The following ARHGAP15 variants were observed in gnomAD, a reference collection of about 807,000 sequenced individuals.
ARHGAP15 encodes Rho GTPase activating protein 15.
A neutral mutation model predicts 63.7 loss-of-function variants in ARHGAP15; 51 were observed. That is an observed-to-expected ratio of 0.80 (90% CI 0.64 to 1.01). The LOEUF (loss-of-function observed/expected upper bound fraction) is 1.01, where lower values mean the gene tolerates loss of function less well. Ranked by LOEUF, ARHGAP15 falls within the 50% of genes least tolerant of loss-of-function variation. The probability of loss-of-function intolerance (pLI) is 0.00; values close to 1 mark genes in which losing one functional copy is unlikely to be tolerated. For missense variants in ARHGAP15, 560 were observed against 564.6 expected (o/e 0.99, Z 0.08); for synonymous variants, 191 against 193.8 (o/e 0.99, Z 0.12).
chr2:143,389,456 A>G (rs935225878), intron 6 of ARHGAP15, among the ~76,000 whole-genome samples: 4 of 152,210 alleles, frequency 2.6e-5, no homozygotes, highest in African/African-American at 9.6e-5. Context: ...ATGTTTCATA[A>G]CAACCAGATA....
At chr2:143,178,043 A>G (rs1691077311) in intron 2 of ARHGAP15, among the ~76,000 whole-genome samples, 2 of 152,234 alleles carry the variant, frequency 1.3e-5, no homozygotes, top group African/African-American at 2.4e-5. Context: ...AAAATTTTTA[A>G]GAATATAATG....
chr2:143,679,114 C>A (rs1242837874), intron 12 of ARHGAP15, among the ~76,000 whole-genome samples: 2 of 145,240 alleles, frequency 1.4e-5, no homozygotes, highest in Non-Finnish European at 3.0e-5. Context: ...AATAGGTCAA[C>A]CTATATGCAC....
intron 12 of ARHGAP15, among the ~76,000 whole-genome samples, chr2:143,674,105 G>A (rs997981627): frequency 3.3e-5 from 5 of 151,916 alleles, no homozygotes; most frequent in African/African-American, 1.2e-4. Context: ...CTTAAAAATT[G>A]AACATGCTCC....
At chr2:143,545,085 A>G (rs762343100) in intron 10 of ARHGAP15, among the ~76,000 whole-genome samples, 1 of 152,192 alleles carries the variant, frequency 6.6e-6, no homozygotes, top group African/African-American at 2.4e-5. Flanking sequence ...TGTGATCTAA[A>G]TAGGACTTTG....
intron 12 of ARHGAP15, among the ~76,000 whole-genome samples, chr2:143,684,056 C>T (rs907893123): frequency 7.1e-6 from 1 of 140,270 alleles, no homozygotes; most frequent in Non-Finnish European, 1.6e-5. Context: ...ATAATCTGTA[C>T]ACTTTTTTGC....
intron 11 of ARHGAP15, among the ~76,000 whole-genome samples, chr2:143,565,045 A>G (rs184517568): frequency 1.3e-5 from 2 of 152,322 alleles, no homozygotes; most frequent in Admixed American, 6.5e-5. Context: ...GATAAACTTT[A>G]TTATCCACAT....
At chr2:143,398,776 A>ATTT (rs11413032) in intron 6 of ARHGAP15, among the ~76,000 whole-genome samples, 12 of 148,934 alleles carry the variant, frequency 8.1e-5, no homozygotes, top group African/African-American at 2.9e-4. Context: ...AAAAATCCTC[A>ATTT]TTTTTTTTTT....
chr2:143,467,627 G>A lies in ARHGAP15; in HGVS notation c.704-19746G>A, dbSNP rs1309491608. On this transcript the variant is annotated intron_variant, in intron 8 of 13. Transcript: ENST00000295095. Reference sequence around the variant, plus strand: ...CATAAGGATTGACTAGAAATTTCCCGAAGAATATCTTTAGATGACAACATA... The same window carrying A: ...CATAAGGATTGACTAGAAATTTCCCAAAGAATATCTTTAGATGACAACATA... Among the ~76,000 whole-genome samples the A allele has an allele frequency of 5.3e-5, 8 of 151,996 alleles. No individual in the cohort carries two copies. In the East Asian group the frequency reaches 7.7e-4, roughly 15 times the overall value.
intron 9 of ARHGAP15, among the ~76,000 whole-genome samples, chr2:143,495,939 T>A (rs1692795362): frequency 6.6e-6 from 1 of 152,238 alleles, no homozygotes; most frequent in African/African-American, 2.4e-5. Context: ...TGAAATACTC[T>A]GACAACTTCC....
intron 13 of ARHGAP15, among the ~76,000 whole-genome samples, chr2:143,761,513 A>G (rs1219793648): frequency 6.6e-6 from 1 of 151,906 alleles, no homozygotes; most frequent in Non-Finnish European, 1.5e-5. Flanking sequence ...GCACAAACTT[A>G]AAAGAAAGTT....
intron 2 of ARHGAP15, among the ~76,000 whole-genome samples, chr2:143,197,240 C>T (rs1574078138): frequency 6.6e-6 from 1 of 151,826 alleles, no homozygotes; most frequent in African/African-American, 2.4e-5. Context: ...AAATTACTGA[C>T]ATATGGATGT....
chr2:143,163,814 T>C lies in ARHGAP15; in HGVS notation c.165+8159T>C, dbSNP rs1031583512. Among the ~76,000 whole-genome samples, 5 of 152,090 alleles carry C rather than the reference T, an allele frequency of 3.3e-5. No individual in the cohort carries two copies. The East Asian group carries it at 9.7e-4, about 29-fold the overall frequency. ...GGCGATATAAGTGGGGGCGGCGGTG[T>C]GTTTATAGCTATAAAATTTGTGTGT... is the stretch of plus-strand genomic sequence containing the variant. On this transcript the variant is annotated intron_variant, in intron 2 of 13. Transcript: ENST00000295095.
chr2:143,421,641 GA>G lies in ARHGAP15; in HGVS notation c.475-13953del, dbSNP rs368882499. On this transcript the variant is annotated intron_variant, in intron 6 of 13. Transcript: ENST00000295095. ...GCATTTTTAAATGAAATCAATTAAA[GA>G]AAAAAAGAAACCAGGATAGAAGATA... 4.0e-4 allele frequency among the ~76,000 whole-genome samples: 61 copies of G among 151,128 alleles called. No homozygotes were observed. The South Asian group carries it at 0.011, about 27-fold the overall frequency.
chr2:143,673,665 C>CA (rs1349937300), intron 12 of ARHGAP15, among the ~76,000 whole-genome samples: 1 of 145,214 alleles, frequency 6.9e-6, no homozygotes, highest in African/African-American at 2.5e-5. Flanking sequence ...AATGAAAAGG[C>CA]AAGCCTTAAG....
In ARHGAP15 at chr2:143,158,986, A is replaced by G. The variant is rs144473294; in HGVS notation, c.165+3331A>G. 6.8e-4 allele frequency among the ~76,000 whole-genome samples: 104 copies of G among 152,084 alleles called. 1 individual carries two copies. Among genetic ancestry groups the G allele is most frequent in the African/African-American group, 2.5e-3 (102 of 41,544 alleles). On this transcript the variant is annotated intron_variant, in intron 2 of 13. Coordinates refer to ENST00000295095, the MANE Select transcript of ARHGAP15 (RefSeq NM_018460.4). ...ATGAGGAGTTTAAATAGCCCGAATC[A>G]GGAAACTGCAGACATATGATTTGCA...
intron 9 of ARHGAP15, among the ~76,000 whole-genome samples, chr2:143,490,223 T>TCTCCTGAC (rs1692526741): frequency 6.6e-6 from 1 of 152,070 alleles, no homozygotes; most frequent in African/African-American, 2.4e-5. Context: ...ATGGTCTCAA[T>TCTCCTGAC]CTCCTGACCT....
intron 4 of ARHGAP15, among the ~76,000 whole-genome samples, chr2:143,223,057 G>GC (rs1446709937): frequency 6.6e-6 from 1 of 152,018 alleles, no homozygotes; most frequent in Admixed American, 6.6e-5. Flanking sequence ...GCTCACTGCA[G>GC]CCTCTGCCTC....
At chr2:143,286,264 A>AG (rs1405729546) in intron 6 of ARHGAP15, among the ~76,000 whole-genome samples, 2 of 152,322 alleles carry the variant, frequency 1.3e-5, no homozygotes, top group East Asian at 3.9e-4. Context: ...AATAAATGGT[A>AG]GGACTGAAGC....
intron 9 of ARHGAP15, among the ~76,000 whole-genome samples, chr2:143,510,671 G>A (rs897592537): frequency 5.3e-5 from 8 of 152,088 alleles, no homozygotes; most frequent in East Asian, 1.9e-4. Context: ...GTGTTTTTCC[G>A]TTGCTTGCAG....
Sources: gnomAD v4.1 joint callset for allele counts (sites outside exome capture counted in the v4.1 genomes callset) on GRCh38, gnomAD v4.1.1 for gene constraint, MANE v1.5 for transcripts, NCBI Gene and HGNC (gene_info 2026-07-23, HGNC 2026-07-21) for gene names.